The following GLYATL3 variants were observed in gnomAD, a reference collection of about 807,000 sequenced individuals.
GLYATL3 encodes the protein glycine-N-acyltransferase like 3.
In GLYATL3, 31 loss-of-function variants were observed where a neutral mutation model predicts 28.5. The ratio of observed to expected loss-of-function variants is 1.09; its 90% CI spans 0.82 to 1.47. The LOEUF (loss-of-function observed/expected upper bound fraction) is 1.47. Among genes scored for constraint, GLYATL3 ranks in the 40% most tolerant of loss-of-function variants. The probability of loss-of-function intolerance (pLI) is 0.00; values close to 1 mark genes in which losing one functional copy is unlikely to be tolerated. For missense variants in GLYATL3, 369 were observed against 351.5 expected (o/e 1.05, Z -0.40); for synonymous variants, 141 against 140.2 (o/e 1.01, Z -0.04).
intron 4 of GLYATL3, among the ~76,000 whole-genome samples, chr6:49,518,141 T>C (rs1769249505): frequency 6.6e-6 from 1 of 152,182 alleles, no homozygotes; most frequent in Non-Finnish European, 1.5e-5. Flanking sequence ...TCTCCTCAGC[T>C]TCCTGAGTAG....
At chr6:49,510,249 T>G (rs1769097694) in intron 1 of GLYATL3, among the ~76,000 whole-genome samples, 1 of 151,730 alleles carries the variant, frequency 6.6e-6, no homozygotes, top group Non-Finnish European at 1.5e-5. Context: ...TCCATGTTGG[T>G]CAGGCTGGTC....
chr6:49,517,630 T>C, intron 4 of GLYATL3, 74 bp downstream of exon 4: 6 of 1,047,696 alleles, frequency 5.7e-6, no homozygotes, highest in Non-Finnish European at 1.3e-6. Flanking sequence ...TAGTTATAGA[T>C]ATTTCATATA....
At chr6:49,522,315 T>A (rs962323898) in intron 5 of GLYATL3, among the ~76,000 whole-genome samples, 1 of 152,118 alleles carries the variant, frequency 6.6e-6, no homozygotes, top group East Asian at 1.9e-4. Context: ...CAAGGGCAAA[T>A]TATAGAGCCA....
intron 1 of GLYATL3, among the ~76,000 whole-genome samples, chr6:49,508,097 C>T (rs1769046159): frequency 6.6e-6 from 1 of 151,964 alleles, no homozygotes; most frequent in Non-Finnish European, 1.5e-5. Flanking sequence ...GAGATCAAGA[C>T]CATCCTGGCT....
Position 49,527,666 on chromosome 6 carries a change from G to T in GLYATL3, c.*752G>T, listed in dbSNP as rs1769447493. ...GGGCATTTTGATGCTATAAACAAAT[G>T]CTGTCACCATAGAACTAGACTTTAC... is the stretch of plus-strand genomic sequence containing the variant. On this transcript the variant is annotated 3_prime_UTR_variant, in exon 6 of 6. Transcript: ENST00000371197. Among the ~76,000 whole-genome samples, 1 of 152,126 alleles carries T rather than the reference G, an allele frequency of 6.6e-6. No homozygotes were observed. The highest frequency in any genetic ancestry group is 2.4e-5 in the African/African-American group (1 of 41,412).
intron 1 of GLYATL3, among the ~76,000 whole-genome samples, chr6:49,506,914 G>A (rs570558987): frequency 4.6e-5 from 7 of 152,106 alleles, no homozygotes; most frequent in South Asian, 2.1e-4. Flanking sequence ...AAGGGGTCCC[G>A]GAGTGTTGAA....
intron 3 of GLYATL3, among the ~76,000 whole-genome samples, chr6:49,516,360 G>C (rs2498470): frequency 0.46 from 70,386 of 151,848 alleles, 17,124 homozygotes; most frequent in East Asian, 0.62. Flanking sequence ...CTAGAAGGAT[G>C]AAGCACAAAT....
intron 1 of GLYATL3, among the ~76,000 whole-genome samples, chr6:49,507,635 G>A (rs1034783571): frequency 3.3e-5 from 5 of 152,096 alleles, no homozygotes; most frequent in African/African-American, 9.7e-5. Flanking sequence ...ACCTGCATTC[G>A]GAGTGCACTG....
At position 49,526,648 on chromosome 6, in the gene GLYATL3, G is replaced by A. The variant is rs1433250272; in HGVS notation, c.601G>A (p.Val201Ile). 1 of 1,551,724 alleles carries A rather than the reference G, an allele frequency of 6.4e-7. No homozygotes were observed. The highest frequency in any genetic ancestry group is 2.4e-5 in the East Asian group (1 of 40,914). ...TGTCCGGGATGAGAAGGGAAACCCG[G>A]TCTCCTGGTCCATCACAGACCAGTT... ...VCVRDEKGNP[V>I]SWSITDQFAT... The change falls in exon 6 of 6, where the codon GTC becomes ATC. Residue 201 changes from valine (V) to isoleucine (I), a missense_variant. Coordinates refer to ENST00000371197, the MANE Select transcript of GLYATL3 (RefSeq NM_001010904.2).
In GLYATL3 at chr6:49,526,980, G is replaced by A. The variant is rs111894833; in HGVS notation, c.*66G>A. ...CATACACACACTCTTGGCTGCCAAC[G>A]AGGGGAGAGTTAAAATGGGAATCAG... On this transcript the variant is annotated 3_prime_UTR_variant, in exon 6 of 6. Coordinates refer to ENST00000371197, the MANE Select transcript of GLYATL3 (RefSeq NM_001010904.2). 29 of 1,194,544 alleles carry A rather than the reference G, an allele frequency of 2.4e-5. No individual in the cohort carries two copies. The highest frequency in any genetic ancestry group is 1.8e-4 in the South Asian group (11 of 62,566). 74.0% of individuals were successfully genotyped at this position (1,194,544 alleles called of 1,614,324 possible). A position where few individuals can be genotyped will look rare whatever the true frequency, so the allele number is the denominator to read the frequency against.
At chr6:49,515,559 C>T (rs1336438706) in intron 2 of GLYATL3, 94 bp from the exon 3 acceptor site, 1 of 673,366 alleles carries the variant, frequency 1.5e-6, no homozygotes, top group Non-Finnish European at 2.7e-6. Context: ...CTCTTGTGGA[C>T]ATGATTACAC....
chr6:49,526,852 C>T lies in GLYATL3; in HGVS notation c.805C>T (p.Pro269Ser). Residue 269 changes from proline to serine, a missense_variant, in exon 6 of 6, where the codon CCT becomes TCT. Transcript: ENST00000371197. ...LLKSLHAEFL[P>S]CRFHRLILTP... is the part of the protein sequence containing the mutation. ...GAAGAGTCTCCATGCTGAGTTCTTG[C>T]CTTGTCGCTTCCACAGGCTTATTCT... 1 of 1,551,692 alleles carries T rather than the reference C, an allele frequency of 6.4e-7. No individual in the cohort carries two copies. Among genetic ancestry groups the T allele is most frequent in the Non-Finnish European group, 8.7e-7 (1 of 1,146,806 alleles).
At chr6:49,523,170 T>C (rs1769345218) in intron 5 of GLYATL3, among the ~76,000 whole-genome samples, 1 of 152,098 alleles carries the variant, frequency 6.6e-6, no homozygotes, top group African/African-American at 2.4e-5. Context: ...TTGTGTAAAG[T>C]CCAGAGGAAG....
At chr6:49,517,707 T>C (rs1054082835) in intron 4 of GLYATL3, among the ~76,000 whole-genome samples, 151 bp downstream of exon 4, 12 of 152,144 alleles carry the variant, frequency 7.9e-5, no homozygotes, top group African/African-American at 2.9e-4. Flanking sequence ...ATTTTATGCA[T>C]TTACCATTTC....
intron 1 of GLYATL3, among the ~76,000 whole-genome samples, chr6:49,507,443 C>A (rs1236278088): frequency 6.6e-6 from 1 of 152,154 alleles, no homozygotes; most frequent in Non-Finnish European, 1.5e-5. Context: ...TTAGTGGAAT[C>A]AGCCTTGATT....
chr6:49,512,266 CT>C (rs11358799), intron 2 of GLYATL3, among the ~76,000 whole-genome samples, 198 bp downstream of exon 2: 58,713 of 128,932 alleles, frequency 0.46, 13,044 homozygotes, highest in East Asian at 0.62. Context: ...TTACACTTTT[CT>C]TTTTTTTTTT....
intron 2 of GLYATL3, among the ~76,000 whole-genome samples, chr6:49,515,247 A>C (rs1439975389): frequency 6.6e-6 from 1 of 152,184 alleles, no homozygotes; most frequent in Non-Finnish European, 1.5e-5. Flanking sequence ...GCTTGAAAAG[A>C]AGCTGAGCAT....
chr6:49,514,008 C>T (rs757697451), intron 2 of GLYATL3, among the ~76,000 whole-genome samples: 12 of 152,054 alleles, frequency 7.9e-5, no homozygotes, highest in Non-Finnish European at 1.6e-4. Context: ...CAAAACAAAG[C>T]AAAACAAAGT....
chr6:49,515,712 G>A lies in GLYATL3; in HGVS notation c.138G>A (p.Leu46=), dbSNP rs1769202416. The A allele has an allele frequency of 6.4e-7, 1 of 1,551,466 alleles. No individual in the cohort carries two copies. The highest frequency in any genetic ancestry group is 1.4e-5 in the African/African-American group (1 of 73,102). The change falls in exon 3 of 6, where the codon TTG becomes TTA. Residue 46 remains leucine (L), a synonymous_variant. Transcript: ENST00000371197. The stretch of plus-strand genomic sequence containing the variant: ...ACCCCTTTCAAAAGGAAGTGGTGTT[G>A]GATTCATGGCCGGATTTCAAAGCTG... ...RGNPFQKEVV[L]DSWPDFKAVI...
Sources: allele counts gnomAD v4.1 joint callset (sites outside exome capture counted in the v4.1 genomes callset), GRCh38; gene constraint gnomAD v4.1.1; transcripts MANE v1.5; gene names NCBI Gene and HGNC (gene_info 2026-07-23, HGNC 2026-07-21).